The following DPYD variants were observed in gnomAD, a reference collection of about 807,000 sequenced individuals.
DPYD encodes dihydropyrimidine dehydrogenase [NADP(+)].
DPYD carries 109 observed loss-of-function variants against 116.2 expected under a neutral mutation model. That is an observed-to-expected ratio of 0.94 (90% CI 0.80 to 1.10). DPYD has a LOEUF of 1.10. Among genes scored for constraint, DPYD ranks in the 50% least tolerant of loss-of-function variants. DPYD has a pLI of 0.00. For missense variants in DPYD, 1,302 were observed against 1,254.5 expected, an observed-to-expected ratio of 1.04 and a Z score of -0.57; for synonymous variants, 440 against 432.0, an observed-to-expected ratio of 1.02 and a Z score of -0.23.
At chr1:97,566,995 G>A (rs558140891) in intron 11 of DPYD, among the ~76,000 whole-genome samples, 1 of 151,948 alleles carries the variant, frequency 6.6e-6, no homozygotes, top group Non-Finnish European at 1.5e-5. Flanking sequence ...ATAATATAAT[G>A]CCAACATTAA....
At chr1:97,552,155 C>T (rs1651370443) in intron 11 of DPYD, among the ~76,000 whole-genome samples, 1 of 151,896 alleles carries the variant, frequency 6.6e-6, no homozygotes, top group Non-Finnish European at 1.5e-5. Flanking sequence ...CTTTCAAAGC[C>T]CTGCGCCTAA....
chr1:97,533,334 GTC>G (rs928590971), intron 12 of DPYD, among the ~76,000 whole-genome samples: 73 of 152,194 alleles, frequency 4.8e-4, no homozygotes, highest in African/African-American at 1.6e-3. Flanking sequence ...AAACCAAAGA[GTC>G]TGTTCAAAGA....
chr1:97,839,530 TG>T (rs1280023219), intron 2 of DPYD, among the ~76,000 whole-genome samples: 1 of 152,128 alleles, frequency 6.6e-6, no homozygotes, highest in East Asian at 1.9e-4. Context: ...CACAAACAGG[TG>T]GATCTACCAC....
intron 4 of DPYD, among the ~76,000 whole-genome samples, chr1:97,738,092 T>G (rs920887167): frequency 6.6e-6 from 1 of 152,158 alleles, no homozygotes; most frequent in African/African-American, 2.4e-5. Flanking sequence ...AGAATATATC[T>G]CTATTGTTTT....
intron 14 of DPYD, among the ~76,000 whole-genome samples, chr1:97,433,605 C>T (rs1291888564): frequency 2.0e-5 from 3 of 152,088 alleles, no homozygotes; most frequent in African/African-American, 7.2e-5. Flanking sequence ...TCTCTTATAG[C>T]TTTCTACATC....
intron 8 of DPYD, among the ~76,000 whole-genome samples, chr1:97,649,657 G>A (rs7543832): frequency 6.6e-6 from 1 of 152,020 alleles, no homozygotes; most frequent in Non-Finnish European, 1.5e-5. Context: ...TACTGGAACT[G>A]TGTTATTGTC....
At chr1:97,418,914 A>T (rs1249107763) in intron 14 of DPYD, among the ~76,000 whole-genome samples, 1 of 152,162 alleles carries the variant, frequency 6.6e-6, no homozygotes, top group Non-Finnish European at 1.5e-5. Context: ...AAAAAGGAAA[A>T]ATAAGTATAC....
intron 19 of DPYD, among the ~76,000 whole-genome samples, chr1:97,195,549 AGAGAG>A (rs1658701963): frequency 8.1e-6 from 1 of 123,964 alleles, no homozygotes; most frequent in Non-Finnish European, 1.7e-5. Flanking sequence ...AGAGAGAGAG[AGAGAG>A]AGAGACAGAA....
chr1:97,120,099 C>G (rs1652308307), intron 20 of DPYD, among the ~76,000 whole-genome samples: 1 of 152,136 alleles, frequency 6.6e-6, no homozygotes, highest in South Asian at 2.1e-4. Context: ...CTGTGAGCAT[C>G]CACAAAGACG....
intron 1 of DPYD, among the ~76,000 whole-genome samples, chr1:97,905,328 A>G (rs1424326111): frequency 6.6e-6 from 1 of 152,140 alleles, no homozygotes; most frequent in Admixed American, 6.6e-5. Flanking sequence ...TCAGTCCTCA[A>G]TATGAACTGG....
intron 14 of DPYD, among the ~76,000 whole-genome samples, chr1:97,416,945 G>C (rs1674321968): frequency 6.6e-6 from 1 of 152,128 alleles, no homozygotes; most frequent in South Asian, 2.1e-4. Context: ...TTTCAAAAGA[G>C]TGTCTGGAAA....
chr1:97,300,831 G>A (rs1187626973), intron 18 of DPYD, among the ~76,000 whole-genome samples: 1 of 152,000 alleles, frequency 6.6e-6, no homozygotes. Context: ...GCGATGTGAA[G>A]TCGATGCCTA....
chr1:97,806,471 A>G (rs1027315029), intron 3 of DPYD, among the ~76,000 whole-genome samples: 5 of 151,800 alleles, frequency 3.3e-5, no homozygotes, highest in African/African-American at 1.2e-4. Flanking sequence ...GACATTTTTT[A>G]CTCAAATATT....
intron 8 of DPYD, among the ~76,000 whole-genome samples, chr1:97,619,244 A>T (rs946820534): frequency 2.0e-5 from 3 of 152,176 alleles, no homozygotes; most frequent in African/African-American, 7.2e-5. Context: ...GGATTGCTAG[A>T]GATGCCTAAT....
chr1:97,863,962 A>G (rs1671247504), intron 2 of DPYD, among the ~76,000 whole-genome samples: 1 of 151,920 alleles, frequency 6.6e-6, no homozygotes, highest in African/African-American at 2.4e-5. Context: ...GGGAGATTCT[A>G]GAGTCAATAA....
chr1:97,915,500 T>C (rs1411360126), intron 1 of DPYD, among the ~76,000 whole-genome samples: 1 of 152,122 alleles, frequency 6.6e-6, no homozygotes, highest in East Asian at 1.9e-4. Context: ...TATTAAGAGT[T>C]ATCTCAGTAG....
At chr1:97,776,613 G>C (rs929601325) in intron 3 of DPYD, among the ~76,000 whole-genome samples, 3 of 152,166 alleles carry the variant, frequency 2.0e-5, no homozygotes, top group Non-Finnish European at 4.4e-5. Flanking sequence ...AGAAGAAGAA[G>C]TAGTGGAGAC....
chr1:97,439,743 T>C (rs1675661464), intron 14 of DPYD, among the ~76,000 whole-genome samples: 1 of 152,234 alleles, frequency 6.6e-6, no homozygotes, highest in South Asian at 2.1e-4. Context: ...TATTATATCA[T>C]TTATTTTATT....
rs1252160964 is a variant in DPYD, at chr1:97,751,482, A to ATATATATATG, written c.234-11004_234-11003insCATATATATA. Among the ~76,000 whole-genome samples, 391 of 126,524 alleles carry ATATATATATG rather than the reference A, an allele frequency of 3.1e-3. 2 individuals are homozygous for ATATATATATG. The highest frequency in any genetic ancestry group is 5.6e-3 in the Non-Finnish European group (330 of 59,324). 83.0% of individuals were successfully genotyped at this position (126,524 alleles called of 152,430 possible). A position where few individuals can be genotyped will look rare whatever the true frequency, so the allele number is the denominator to read the frequency against. Reference sequence around the variant, plus strand: ...TGTGTATATATATATATATATATATATATATATATATATGGCAGGGGACAG... The same window carrying ATATATATATG: ...TGTGTATATATATATATATATATATATATATATATGTATATATATATATGGCAGGGGACAG... On this transcript the variant is annotated intron_variant, in intron 3 of 22. Coordinates refer to ENST00000370192, the MANE Select transcript of DPYD (RefSeq NM_000110.4).
Sources: allele counts gnomAD v4.1 joint callset (sites outside exome capture counted in the v4.1 genomes callset), GRCh38; gene constraint gnomAD v4.1.1; transcripts MANE v1.5; gene names NCBI Gene and HGNC (gene_info 2026-07-23, HGNC 2026-07-21).